MAX: variants seen among roughly 807,000 people sequenced by gnomAD.
MAX encodes the protein MYC associated transcriptional regulator X.
A neutral mutation model predicts 22.3 loss-of-function variants in MAX; 3 were observed. That is an observed-to-expected ratio of 0.13 (90% CI 0.06 to 0.35). The LOEUF is 0.35. MAX is among the 10% of genes least tolerant of loss of function. The pLI, the probability that MAX is intolerant of heterozygous loss-of-function variation, is 1.00. For missense variants in MAX, 119 were observed against 209.4 expected, an observed-to-expected ratio of 0.57 and a Z score of 2.66; for synonymous variants, 72 against 77.7, an observed-to-expected ratio of 0.93 and a Z score of 0.39.
At chr14:65,051,720 G>T (rs1026139380) in intron 3 of MAX, among the ~76,000 whole-genome samples, 2 of 150,122 alleles carry the variant, frequency 1.3e-5, no homozygotes, top group Non-Finnish European at 3.0e-5. Flanking sequence ...CTTTTCCCCC[G>T]TTTTTCTTTT....
chr14:65,077,001 G>A lies in MAX; in HGVS notation c.296-338C>T, dbSNP rs1429278814. The A allele has an allele frequency of 1.8e-6, 1 of 542,218 alleles. No homozygotes were observed. The highest frequency in any genetic ancestry group is 1.9e-5 in the African/African-American group (1 of 52,866). 33.6% of individuals were successfully genotyped at this position (542,218 alleles called of 1,614,324 possible). On this transcript the variant is annotated intron_variant, in intron 4 of 4. Coordinates refer to ENST00000358664, the MANE Select transcript of MAX (RefSeq NM_002382.5). The surrounding 1 kb of genome is among the most constrained non-coding windows in gnomAD (Gnocchi z 6.3). Reference sequence around the variant, plus strand: ...TCAGCAGTGCAATAACAGAGGAGAAGCTGGCCCAGGAGCATGAGGCTCCAC... The same window carrying A: ...TCAGCAGTGCAATAACAGAGGAGAAACTGGCCCAGGAGCATGAGGCTCCAC...
Position 65,075,203 on chromosome 14 carries a change from T to G in MAX, c.*1273A>C. On this transcript the variant is annotated 3_prime_UTR_variant, in exon 5 of 5. Transcript: ENST00000358664. This position sits in a 1 kb window ranked among gnomAD's most constrained non-coding sequence, Gnocchi z 4.1. ...AACTTGCAAGACAATTCTTCGGCAG[T>G]ATGTACAACATACTTTTTATTTCCA... is the stretch of plus-strand genomic sequence containing the variant. 9.6e-7 allele frequency: 1 copy of G among 1,047,022 alleles called. No individual in the cohort carries two copies. The highest frequency in any genetic ancestry group is 1.2e-6 in the Non-Finnish European group (1 of 867,736). 64.9% of individuals were successfully genotyped at this position (1,047,022 alleles called of 1,614,324 possible).
intron 3 of MAX, chr14:65,015,579 G>C (rs758595283): frequency 3.1e-6 from 5 of 1,606,946 alleles, no homozygotes; most frequent in Admixed American, 1.7e-5. Flanking sequence ...CAGTGTCTTG[G>C]AGTGATTGTG....
Position 65,044,554 on chromosome 14 carries a change from C to G in MAX, c.172-38270G>C, listed in dbSNP as rs1183507158. 2 of 1,474,738 alleles carry G rather than the reference C, an allele frequency of 1.4e-6. No homozygotes were observed. Among genetic ancestry groups the G allele is most frequent in the African/African-American group, 2.9e-5 (2 of 69,966 alleles). The allele number at this position is 1,474,738 out of a possible 1,614,324, so 91.4% of individuals were successfully genotyped here. ...GGGGTTGAAATGAGCTCTGTCTATC[C>G]TGGATTTTGAGTGCCCAGTGTGGAA... On this transcript the variant is annotated intron_variant, in intron 3 of 3. Coordinates refer to the MAX transcript ENST00000341653. This position sits in a 1 kb window ranked among gnomAD's most constrained non-coding sequence, Gnocchi z 5.5.
intron 3 of MAX, among the ~76,000 whole-genome samples, chr14:65,065,300 G>A (rs964284370): frequency 4.6e-5 from 7 of 152,164 alleles, no homozygotes; most frequent in African/African-American, 1.7e-4. Flanking sequence ...CGAGGCCCAC[G>A]TGGCCTCTGG....
Position 65,062,882 on chromosome 14 carries a change from G to A in MAX, c.171+30826C>T, listed in dbSNP as rs765259684. ...TTTTCCAAGCTCCCTGGGGTAATTC[G>A]GTATGCTATGTCCCAGCCCTCCACA... On this transcript the variant is annotated intron_variant, in intron 3 of 3. Transcript: ENST00000341653. This position sits in a 1 kb window ranked among gnomAD's most constrained non-coding sequence, Gnocchi z 4.3. Among the ~76,000 whole-genome samples, 3 of 152,192 alleles carry A rather than the reference G, an allele frequency of 2.0e-5. No homozygotes were observed. The highest frequency in any genetic ancestry group is 7.2e-5 in the African/African-American group (3 of 41,430).
At position 65,076,748 on chromosome 14, in the gene MAX, T is replaced by C; in HGVS notation, c.296-85A>G. 6.5e-7 allele frequency: 1 copy of C among 1,540,552 alleles called. No homozygotes were observed. Among genetic ancestry groups the C allele is most frequent in the Non-Finnish European group, 9.0e-7 (1 of 1,113,858 alleles). On this transcript the variant is annotated intron_variant, in intron 4 of 4. Coordinates refer to ENST00000358664, the MANE Select transcript of MAX (RefSeq NM_002382.5). This position sits in a 1 kb window ranked among gnomAD's most constrained non-coding sequence, Gnocchi z 6.6. ...CTCAGACTCAGGGTCCAGCCTGTTC[T>C]TCCTAAGGGCTTGCTTGTTGGCCCC...
chr14:65,085,348 A>G (rs1595145466), intron 3 of MAX, among the ~76,000 whole-genome samples: 1 of 152,100 alleles, frequency 6.6e-6, no homozygotes, highest in Non-Finnish European at 1.5e-5. Flanking sequence ...GGAAGGAGGG[A>G]TTCATGTTTT....
rs1296890474 is a variant in MAX, at chr14:65,076,319, C to T, written c.*157G>A. 1 of 1,490,656 alleles carries T rather than the reference C, an allele frequency of 6.7e-7. No homozygotes were observed. Among genetic ancestry groups the T allele is most frequent in the African/African-American group, 1.4e-5 (1 of 70,074 alleles). The allele number at this position is 1,490,656 out of a possible 1,614,324, so 92.3% of individuals were successfully genotyped here. On this transcript the variant is annotated 3_prime_UTR_variant, in exon 5 of 5. Coordinates refer to ENST00000358664, the MANE Select transcript of MAX (RefSeq NM_002382.5). This position sits in a 1 kb window ranked among gnomAD's most constrained non-coding sequence, Gnocchi z 6.6. ...GGGAAGGAGAACGAGAGCTGTTGTCCAAGAGCTTCTACGTAAAAATAAAAA... is the reference window on the plus strand; with the variant it reads ...GGGAAGGAGAACGAGAGCTGTTGTCTAAGAGCTTCTACGTAAAAATAAAAA...
rs193025923 is a variant in MAX, at chr14:65,012,742, C to T, written c.172-6458G>A. ...TGCCCTATAAGCTGATCTAATTTCT[C>T]GCTCATTTATTGAGGACTATTGTCC... is the stretch of plus-strand genomic sequence containing the variant. On this transcript the variant is annotated intron_variant, in intron 3 of 3. Transcript: ENST00000341653. This position sits in a 1 kb window ranked among gnomAD's most constrained non-coding sequence, Gnocchi z 5.0. 2.8e-3 allele frequency among the ~76,000 whole-genome samples: 422 copies of T among 152,322 alleles called. 1 individual carries two copies. Among genetic ancestry groups the T allele is most frequent in the African/African-American group, 9.6e-3 (400 of 41,564 alleles).
At position 65,060,845 on chromosome 14, in the gene MAX, C is replaced by T. The variant is rs372387194; in HGVS notation, c.171+32863G>A. 7.0e-5 allele frequency among the ~76,000 whole-genome samples: 10 copies of T among 143,666 alleles called. No individual in the cohort carries two copies. In the South Asian group the frequency reaches 2.2e-3, roughly 32 times the overall value. The allele number at this position is 143,666 out of a possible 152,430, so 94.3% of individuals were successfully genotyped here. ...CTAAGATCGTGTCAATGCACTCCAG[C>T]CTGGGCAACAGAGCAAGACTCTCTC... On this transcript the variant is annotated intron_variant, in intron 3 of 3. Transcript: ENST00000341653.
intron 3 of MAX, among the ~76,000 whole-genome samples, chr14:65,060,446 C>T (rs1472744977): frequency 1.0e-5 from 1 of 99,494 alleles, no homozygotes; most frequent in Non-Finnish European, 1.7e-5. Context: ...AAAATAATCC[C>T]AGCACTTTGG....
chr14:65,033,149 A>C (rs2062118263), intron 3 of MAX, among the ~76,000 whole-genome samples: 1 of 152,188 alleles, frequency 6.6e-6, no homozygotes, highest in Non-Finnish European at 1.5e-5. Flanking sequence ...GTTGCATCGG[A>C]ATATAATGTA....
chr14:65,068,958 C>G lies in MAX; in HGVS notation c.171+24750G>C, dbSNP rs1254444815. On this transcript the variant is annotated intron_variant, in intron 3 of 3. Transcript: ENST00000341653. ...TGGGCCCTCAGCTACCAGACCAGGG[C>G]AGGGTTCAATGTCACAGCTCTGTCA... Among the ~76,000 whole-genome samples the G allele has an allele frequency of 2.0e-5, 3 of 152,184 alleles. No homozygotes were observed. The East Asian group carries it at 5.8e-4, about 29-fold the overall frequency.
rs147885837 is a variant in MAX, at chr14:65,088,077, T to C, written c.171+5631A>G. Among the ~76,000 whole-genome samples the C allele has an allele frequency of 4.6e-4, 70 of 152,290 alleles. No individual in the cohort carries two copies. Among genetic ancestry groups the C allele is most frequent in the Middle Eastern group, 3.4e-3 (1 of 294 alleles). ...TGCTCCTCCTTGCCTTCGCCATGAT[T>C]GTGAGGCTTCCTTCCAGCCACGTGG... On this transcript the variant is annotated intron_variant, in intron 3 of 4. Transcript: ENST00000358664. The surrounding 1 kb of genome is among the most constrained non-coding windows in gnomAD (Gnocchi z 5.2).
intron 3 of MAX, chr14:65,091,785 T>C (rs774517318): frequency 3.3e-5 from 5 of 152,238 alleles, no homozygotes; most frequent in Non-Finnish European, 5.9e-5. Flanking sequence ...CCATGGTACT[T>C]ACCTGACATA....
intron 3 of MAX, among the ~76,000 whole-genome samples, chr14:65,065,433 G>GT (rs2062921852): frequency 6.6e-6 from 1 of 152,132 alleles, no homozygotes; most frequent in Non-Finnish European, 1.5e-5. Context: ...AGGTGATCTC[G>GT]TCGTTGTGTG....
chr14:65,098,720 A>C (rs1195936024), intron 2 of MAX, among the ~76,000 whole-genome samples: 3 of 152,232 alleles, frequency 2.0e-5, no homozygotes, highest in African/African-American at 7.2e-5. Flanking sequence ...TAGTAGTAAG[A>C]ATACTCTTTG....
chr14:65,095,600 A>C (rs887365819), intron 2 of MAX, among the ~76,000 whole-genome samples: 4 of 152,198 alleles, frequency 2.6e-5, no homozygotes, highest in South Asian at 2.1e-4. Context: ...ACTATACCTA[A>C]GGAGCTTAAA....
Sources: allele counts gnomAD v4.1 joint callset (sites outside exome capture counted in the v4.1 genomes callset), GRCh38; gene constraint gnomAD v4.1.1; non-coding constraint Gnocchi (gnomAD v3.1); transcripts MANE v1.5; gene names NCBI Gene and HGNC (gene_info 2026-07-23, HGNC 2026-07-21).